MFN2: variants seen among roughly 807,000 people sequenced by gnomAD.
MFN2 encodes the protein mitofusin 2.
Under a neutral mutation model 87.5 loss-of-function variants are expected in MFN2, and 43 were observed. The ratio of observed to expected loss-of-function variants is 0.49; its 90% confidence interval spans 0.38 to 0.63. MFN2 has a LOEUF of 0.63. Among genes scored for constraint, MFN2 ranks in the 30% least tolerant of loss-of-function variants. The pLI, the probability that MFN2 is intolerant of heterozygous loss-of-function variation, is 0.00. For synonymous variants in MFN2, 337 were observed against 359.9 expected (o/e 0.94, Z 0.72); for missense variants, 743 against 972.8 (o/e 0.76, Z 3.14).
chr1:12,009,454 C>A, intron 17 of MFN2, 138 bp from the exon 18 acceptor site: 1 of 1,258,496 alleles, frequency 7.9e-7, no homozygotes, highest in Non-Finnish European at 1.2e-6. Flanking sequence ...GAGATTCTGC[C>A]AAACCAGGCC....
Position 11,997,879 on chromosome 1 carries a change from C to CTTTTTTTT in MFN2, c.599+473_599+480dup, listed in dbSNP as rs768355266. Among the ~76,000 whole-genome samples the CTTTTTTTT allele has an allele frequency of 1.7e-4, 16 of 95,864 alleles. 1 individual carries two copies. The highest frequency in any genetic ancestry group is 2.5e-4 in the Admixed American group (2 of 7,904). The allele number at this position is 95,864 out of a possible 152,430, so 62.9% of individuals were successfully genotyped here. A position where few individuals can be genotyped will look rare whatever the true frequency, so the allele number is the denominator to read the frequency against. ...CAACTTCACCTTAATTGTATATCAT[C>CTTTTTTTT]TTTTTTTTTTTTTTTTTTTTTTGAG... is the stretch of plus-strand genomic sequence containing the variant. On this transcript the variant is annotated intron_variant, in intron 6 of 18. Coordinates refer to ENST00000235329, the MANE Select transcript of MFN2 (RefSeq NM_014874.4).
intron 18 of MFN2, among the ~76,000 whole-genome samples, chr1:12,010,973 G>A (rs1280695468): frequency 6.6e-6 from 1 of 152,170 alleles, no homozygotes; most frequent in Non-Finnish European, 1.5e-5. Flanking sequence ...GAGGGTGTCA[G>A]CTCCAACCCT....
At chr1:11,999,153 A>C in intron 8 of MFN2, 58 bp downstream of exon 8, 1 of 1,369,572 alleles carries the variant, frequency 7.3e-7, no homozygotes, top group Non-Finnish European at 1.0e-6. Context: ...ACTGCCTGCC[A>C]CTGGGGCCAC....
At chr1:12,009,070 C>T (rs1172630752) in intron 17 of MFN2, among the ~76,000 whole-genome samples, 7 of 152,288 alleles carry the variant, frequency 4.6e-5, no homozygotes, top group Admixed American at 6.5e-5. Context: ...CGTGGCGGCG[C>T]GCGCCTGCAG....
chr1:11,989,626 T>C (rs1024147865), intron 3 of MFN2, among the ~76,000 whole-genome samples: 6 of 152,082 alleles, frequency 3.9e-5, no homozygotes, highest in Admixed American at 6.6e-5. Flanking sequence ...GGCAAGCAAA[T>C]TGAGGTTTGA....
chr1:11,983,626 CAG>C (rs904403977), intron 2 of MFN2, among the ~76,000 whole-genome samples: 3 of 152,164 alleles, frequency 2.0e-5, no homozygotes, highest in African/African-American at 7.2e-5. Flanking sequence ...TGTGGTGAAG[CAG>C]AGATTATCAA....
At chr1:11,992,828 T>C in intron 4 of MFN2, 138 bp downstream of exon 4, 3 of 1,159,010 alleles carry the variant, frequency 2.6e-6, no homozygotes, top group Non-Finnish European at 3.6e-6. Flanking sequence ...ATTTTATTTA[T>C]TTATTTGATT....
intron 16 of MFN2, 39 bp from the exon 17 acceptor site, chr1:12,007,014 C>T (rs544429977): frequency 6.2e-7 from 1 of 1,611,630 alleles, no homozygotes; most frequent in Admixed American, 1.7e-5. Context: ...GGGTGGGCCA[C>T]AGAGAGGCTG....
chr1:12,001,576 C>T lies in MFN2; in HGVS notation c.970+22C>T, dbSNP rs759957548. The T allele has an allele frequency of 4.3e-6, 7 of 1,613,954 alleles. No individual in the cohort carries two copies. In the Admixed American group the frequency reaches 1.2e-4, roughly 27 times the overall value. ...GGAGGTAATGATGAGAACAGATGTC[C>T]TCCTTTTCTCTGATGTTTGAGACAT... On this transcript the variant is annotated intron_variant, in intron 9 of 18. Transcript: ENST00000235329.
At chr1:11,992,234 T>C (rs1569814349) in intron 3 of MFN2, 1 of 361,856 alleles carries the variant, frequency 2.8e-6, no homozygotes, top group East Asian at 5.8e-5. Context: ...CCTCACGATG[T>C]TCTCATGAAG....
chr1:11,991,579 G>A (rs1451698360), intron 3 of MFN2, among the ~76,000 whole-genome samples: 1 of 152,166 alleles, frequency 6.6e-6, no homozygotes, highest in Non-Finnish European at 1.5e-5. Context: ...GGGAGACCGT[G>A]AGGCAGCGGG....
chr1:12,009,044 AC>A (rs1042191158), intron 17 of MFN2, among the ~76,000 whole-genome samples: 1 of 152,212 alleles, frequency 6.6e-6, no homozygotes, highest in Non-Finnish European at 1.5e-5. Flanking sequence ...CCAAAAAAAT[AC>A]GAAAACCAGT....
rs977885976 is a variant in MFN2, at chr1:12,009,819, A to G, written c.2204+93A>G. The G allele has an allele frequency of 1.3e-4, 212 of 1,584,090 alleles. 1 individual carries two copies. The highest frequency in any genetic ancestry group is 3.6e-4 in the Middle Eastern group (2 of 5,622). ...TGCTGGGCTTGCGTCTTGGGTGTGGACACAAATTTTTCTGGTGGGGATTTA... is the reference window on the plus strand; with the variant it reads ...TGCTGGGCTTGCGTCTTGGGTGTGGGCACAAATTTTTCTGGTGGGGATTTA... On this transcript the variant is annotated intron_variant, in intron 18 of 18. Transcript: ENST00000235329.
chr1:11,991,711 T>A (rs1569811841), intron 3 of MFN2, among the ~76,000 whole-genome samples: 1 of 150,862 alleles, frequency 6.6e-6, no homozygotes, highest in Non-Finnish European at 1.5e-5. Context: ...GATCACGAGG[T>A]CAGGAGATCG....
At chr1:11,996,686 G>C (rs1638921851) in intron 5 of MFN2, among the ~76,000 whole-genome samples, 1 of 152,166 alleles carries the variant, frequency 6.6e-6, no homozygotes, top group Non-Finnish European at 1.5e-5. Context: ...CCGACACTCT[G>C]AGTTTTCTGA....
intron 2 of MFN2, among the ~76,000 whole-genome samples, chr1:11,987,046 A>G (rs1174209539): frequency 1.3e-5 from 2 of 152,234 alleles, no homozygotes; most frequent in African/African-American, 4.8e-5. Context: ...ACGGTGGCTC[A>G]CGCCTGTATT....
intron 18 of MFN2, among the ~76,000 whole-genome samples, chr1:12,011,025 GC>G (rs148861219): frequency 0.076 from 11,493 of 151,448 alleles, 535 homozygotes; most frequent in East Asian, 0.13. Context: ...CTGCGGATGT[GC>G]CCCCCCCGCA....
Position 12,007,138 on chromosome 1 carries a change from C to T in MFN2, c.1958C>T (p.Thr653Ile). The change falls in exon 17 of 19, where the codon ACC becomes ATC. Residue 653 changes from threonine to isoleucine, a missense_variant. Transcript: ENST00000235329. The stretch of plus-strand genomic sequence containing the variant: ...TACGTCTATGAGCGTCTGACCTGGA[C>T]CACCAAGGCCAAGGAGAGGGCCTTC... ...LLYVYERLTWTTKAKERAFKR... is the reference protein window; with the variant it reads ...LLYVYERLTWITKAKERAFKR... 8 of 1,614,200 alleles carry T rather than the reference C, an allele frequency of 5.0e-6. No homozygotes were observed. The highest frequency in any genetic ancestry group is 6.8e-6 in the Non-Finnish European group (8 of 1,180,044).
chr1:12,005,777 G>A lies in MFN2; in HGVS notation c.1562G>A (p.Cys521Tyr). Residue 521 changes from cysteine to tyrosine, a missense_variant, in exon 15 of 19, where the codon TGC (cysteine) becomes TAC (tyrosine). Around this residue, in one of 3 missense-constraint regions of MFN2, gnomAD observed 571 missense variants for 670.7 expected, o/e 0.85. Coordinates refer to ENST00000235329, the MANE Select transcript of MFN2 (RefSeq NM_014874.4). ...SQIDMLVPRQCFSLNYDLNCD... is the reference protein window; with the variant it reads ...SQIDMLVPRQYFSLNYDLNCD... ...ATAGACATGCTGGTCCCACGCCAGT[G>A]CTTCTCCCTCAACTATGACCTAAAC... 6.2e-7 allele frequency: 1 copy of A among 1,614,204 alleles called. No individual in the cohort carries two copies. Among genetic ancestry groups the A allele is most frequent in the African/African-American group, 1.3e-5 (1 of 75,044 alleles).
Sources: allele counts gnomAD v4.1 joint callset (sites outside exome capture counted in the v4.1 genomes callset), GRCh38; gene constraint gnomAD v4.1.1; regional missense constraint gnomAD v4.1.1; transcripts MANE v1.5; gene names NCBI Gene and HGNC (gene_info 2026-07-23, HGNC 2026-07-21).